Variants in FHIT observed in about 807,000 individuals in gnomAD.
FHIT encodes the protein bis(5'-adenosyl)-triphosphatase.
In FHIT, 19 loss-of-function variants were observed where a neutral mutation model predicts 17.9. That is an observed-to-expected ratio of 1.06 (90% CI 0.74 to 1.56). The LOEUF is 1.56. Among genes scored for constraint, FHIT ranks in the 40% most tolerant of loss-of-function variants. FHIT has a pLI of 0.00. For missense variants in FHIT, 248 were observed against 189.2 expected, an observed-to-expected ratio of 1.31 and a Z score of -1.82; for synonymous variants, 81 against 69.7, an observed-to-expected ratio of 1.16 and a Z score of -0.81.
At chr3:59,961,596 C>T (rs1414840278) in intron 7 of FHIT, among the ~76,000 whole-genome samples, 9 of 152,096 alleles carry the variant, frequency 5.9e-5, no homozygotes, top group East Asian at 3.9e-4. Flanking sequence ...ATGGGAAAAG[C>T]GTGGTATCTG....
At chr3:60,999,907 C>G (rs2030948465) in intron 3 of FHIT, among the ~76,000 whole-genome samples, 1 of 152,158 alleles carries the variant, frequency 6.6e-6, no homozygotes, top group South Asian at 2.1e-4. Context: ...TTCTGGTTCA[C>G]AGATGATGGC....
chr3:61,111,017 A>C (rs1220897394), intron 2 of FHIT, among the ~76,000 whole-genome samples: 2 of 152,180 alleles, frequency 1.3e-5, no homozygotes, highest in African/African-American at 4.8e-5. Flanking sequence ...CGAAACAAAC[A>C]TTTTATACTG....
Position 60,064,074 on chromosome 3 carries a change from A to G in FHIT, c.104-49922T>C, listed in dbSNP as rs78392181. Among the ~76,000 whole-genome samples, 124 of 152,326 alleles carry G rather than the reference A, an allele frequency of 8.1e-4. 1 individual carries two copies. The highest frequency in any genetic ancestry group is 1.5e-3 in the Non-Finnish European group (102 of 68,024). On this transcript the variant is annotated intron_variant, in intron 5 of 9. Transcript: ENST00000492590. ...TCTGAAAAGCTACAGAAGAAACTTC[A>G]CAATGGTAATATTTGGAGGACAAGA... is the stretch of plus-strand genomic sequence containing the variant.
chr3:60,276,026 C>T (rs1414544917), intron 5 of FHIT, among the ~76,000 whole-genome samples: 9 of 148,860 alleles, frequency 6.0e-5, no homozygotes, highest in East Asian at 4.0e-4. Flanking sequence ...CTCGCTCAGT[C>T]GCCCAGGCTG....
Position 59,966,116 on chromosome 3 carries a change from G to T in FHIT, c.280-43702C>A, listed in dbSNP as rs1328662955. ...GATAAAACTGCTGAATTGCTTTTTG[G>T]AGCCTGTGAAGAATTACAGCAGAGG... On this transcript the variant is annotated intron_variant, in intron 7 of 9. Coordinates refer to ENST00000492590, the MANE Select transcript of FHIT (RefSeq NM_002012.4). 2.0e-5 allele frequency among the ~76,000 whole-genome samples: 3 copies of T among 152,156 alleles called. No individual in the cohort carries two copies. In the East Asian group the frequency reaches 5.8e-4, roughly 29 times the overall value.
chr3:59,931,250 G>A (rs1337287011), intron 7 of FHIT, among the ~76,000 whole-genome samples: 4 of 152,136 alleles, frequency 2.6e-5, no homozygotes, highest in African/African-American at 9.7e-5. Flanking sequence ...CTTGCTGAAT[G>A]TATTCTACTT....
intron 5 of FHIT, among the ~76,000 whole-genome samples, chr3:60,089,301 A>G (rs1703629828): frequency 6.6e-6 from 1 of 152,150 alleles, no homozygotes; most frequent in African/African-American, 2.4e-5. Context: ...AACTTTATTA[A>G]ACTTTTTAGT....
intron 5 of FHIT, among the ~76,000 whole-genome samples, chr3:60,217,806 A>T (rs539439633): frequency 7.2e-5 from 11 of 152,050 alleles, no homozygotes; most frequent in Non-Finnish European, 1.3e-4. Context: ...CATGGTTCAG[A>T]TCTCAATTTA....
At chr3:60,515,655 T>C (rs2035126271) in intron 5 of FHIT, among the ~76,000 whole-genome samples, 1 of 152,164 alleles carries the variant, frequency 6.6e-6, no homozygotes, top group Admixed American at 6.5e-5. Context: ...CATTAGACTC[T>C]TCTATAATTC....
intron 4 of FHIT, among the ~76,000 whole-genome samples, chr3:60,755,493 T>C (rs1374639929): frequency 1.3e-5 from 2 of 152,204 alleles, no homozygotes; most frequent in Admixed American, 6.5e-5. Context: ...ATTGGACCCA[T>C]GGAACCACTA....
chr3:59,900,357 T>C (rs17061428), intron 8 of FHIT, among the ~76,000 whole-genome samples: 6,339 of 152,244 alleles, frequency 0.042, 423 homozygotes, highest in African/African-American at 0.14. Context: ...ACGTGATGTA[T>C]TGGCTCCTCT....
In FHIT at chr3:60,202,282, T is replaced by C. The variant is rs369646231; in HGVS notation, c.104-188130A>G. On this transcript the variant is annotated intron_variant, in intron 5 of 9. Coordinates refer to ENST00000492590, the MANE Select transcript of FHIT (RefSeq NM_002012.4). ...CCAATGACCTAGTAGCACTCGTTTC[T>C]GATTCTCAGTCTGAAGTCAATGGAT... is the stretch of plus-strand genomic sequence containing the variant. Among the ~76,000 whole-genome samples the C allele has an allele frequency of 1.5e-4, 23 of 152,364 alleles. No homozygotes were observed. In the East Asian group the frequency reaches 1.9e-3, roughly 13 times the overall value.
chr3:60,347,756 C>T (rs1283244274), intron 5 of FHIT, among the ~76,000 whole-genome samples: 1 of 150,244 alleles, frequency 6.7e-6, no homozygotes, highest in Admixed American at 6.7e-5. Context: ...CCAAGCATGC[C>T]TATCTTTTCA....
chr3:60,731,812 C>T (rs1187807614), intron 4 of FHIT, among the ~76,000 whole-genome samples: 8 of 152,284 alleles, frequency 5.3e-5, no homozygotes, highest in African/African-American at 1.9e-4. Flanking sequence ...ACCATCTTAA[C>T]AACTGCCTGA....
intron 5 of FHIT, among the ~76,000 whole-genome samples, chr3:60,233,994 A>G (rs1485607707): frequency 2.0e-5 from 3 of 152,214 alleles, no homozygotes; most frequent in South Asian, 2.1e-4. Context: ...CTTTATTAGC[A>G]GCATGAGAAC....
At chr3:60,617,179 G>A in intron 4 of FHIT, 1 of 205,168 alleles carries the variant, frequency 4.9e-6, no homozygotes, top group Non-Finnish European at 1.1e-5. Flanking sequence ...ATAACTAAAA[G>A]CTATAACACA....
At chr3:60,369,129 C>A (rs967172944) in intron 5 of FHIT, among the ~76,000 whole-genome samples, 9 of 150,682 alleles carry the variant, frequency 6.0e-5, no homozygotes, top group Non-Finnish European at 1.3e-4. Flanking sequence ...TGCACCAACA[C>A]GCCTTGCTAA....
intron 4 of FHIT, among the ~76,000 whole-genome samples, chr3:60,602,192 C>G (rs1230863720): frequency 6.6e-6 from 1 of 152,032 alleles, no homozygotes; most frequent in Non-Finnish European, 1.5e-5. Flanking sequence ...GATACAGTAT[C>G]CTGAGAAAAA....
intron 7 of FHIT, among the ~76,000 whole-genome samples, chr3:59,948,515 T>TA (rs550720543): frequency 6.7e-6 from 1 of 150,320 alleles, no homozygotes; most frequent in African/African-American, 2.5e-5. Flanking sequence ...AGATTCTGTC[T>TA]AAAAAAAATA....
Sources: gnomAD v4.1 joint callset for allele counts (sites outside exome capture counted in the v4.1 genomes callset) on GRCh38, gnomAD v4.1.1 for gene constraint, MANE v1.5 for transcripts, NCBI Gene and HGNC (gene_info 2026-07-23, HGNC 2026-07-21) for gene names.